Variants in PTGER3 observed in about 807,000 individuals in gnomAD.
The protein encoded by PTGER3 is prostaglandin E receptor 3.
Under a neutral mutation model 34.7 loss-of-function variants are expected in PTGER3, and 22 were observed. That is an observed-to-expected ratio of 0.63 (90% CI 0.45 to 0.91). The LOEUF (loss-of-function observed/expected upper bound fraction) is 0.91. PTGER3 is among the 40% of genes least tolerant of loss of function. PTGER3 has a pLI of 0.00. For missense variants in PTGER3, 468 were observed against 519.4 expected (o/e 0.90, Z 0.96); for synonymous variants, 241 against 230.1 (o/e 1.05, Z -0.43).
At chr1:71,003,319 CATAT>C (rs1157797108) in intron 2 of PTGER3, among the ~76,000 whole-genome samples, 1 of 152,192 alleles carries the variant, frequency 6.6e-6, no homozygotes, top group Admixed American at 6.5e-5. Context: ...TATGTGTCTA[CATAT>C]ATATCCTAGT....
At chr1:70,948,494 A>G (rs533092100), downstream of PTGER3, among the ~76,000 whole-genome samples, 31 of 152,204 alleles carry the variant, frequency 2.0e-4, no homozygotes, top group African/African-American at 7.5e-4. Context: ...CCCAGTCTCA[A>G]GAAGACCTTT....
In PTGER3 at chr1:71,047,532, G is replaced by A; in HGVS notation, c.46C>T (p.Arg16Cys). 1 of 1,583,492 alleles carries A rather than the reference G, an allele frequency of 6.3e-7. No individual in the cohort carries two copies. Among genetic ancestry groups the A allele is most frequent in the Non-Finnish European group, 8.6e-7 (1 of 1,163,836 alleles). The change falls in exon 1 of 4, where the codon CGC becomes TGC. Residue 16 changes from arginine (R) to cysteine (C), a missense_variant. By Grantham distance (180) the Arg-to-Cys change is radical. Around this residue, in one of 5 missense-constraint regions of PTGER3, gnomAD observed 151 missense variants for 133.5 expected, o/e 1.13. Coordinates refer to ENST00000306666, the MANE Select transcript of PTGER3 (RefSeq NM_198719.2). ...ATGCCTGTGTAGGAGTGGTTGAGGC[G>A]GGTGCAGAAGGGGGCATCCCCTCCG... ...GYGGDAPFCT[R>C]LNHSYTGMWA... is the part of the protein sequence containing the mutation.
intron 1 of PTGER3, among the ~76,000 whole-genome samples, chr1:71,040,065 AAGAG>A (rs925430030): frequency 5.3e-5 from 8 of 151,600 alleles, no homozygotes; most frequent in Non-Finnish European, 7.4e-5. Context: ...GAAAGAAAGA[AAGAG>A]AGGGAGGGAG....
At chr1:70,981,751 C>A (rs1465824862) in intron 2 of PTGER3, among the ~76,000 whole-genome samples, 1 of 151,980 alleles carries the variant, frequency 6.6e-6, no homozygotes, top group Non-Finnish European at 1.5e-5. Context: ...CTTGCTTAAG[C>A]TAACATAAGT....
At position 70,901,799 on chromosome 1, in the gene PTGER3, T is replaced by C. The variant is rs184794856; in HGVS notation, c.*24-48940A>G. Among the ~76,000 whole-genome samples the C allele has an allele frequency of 4.8e-4, 73 of 152,336 alleles. No individual in the cohort carries two copies. In the East Asian group the frequency reaches 0.012, roughly 25 times the overall value. On this transcript the variant is annotated intron_variant, in intron 4 of 4. Coordinates refer to the PTGER3 transcript ENST00000370931. ...GACAAAATTCAATCTTCTGTTTACTTTATCCCAAACATAGTTTTGGATTTT... is the reference window on the plus strand; with the variant it reads ...GACAAAATTCAATCTTCTGTTTACTCTATCCCAAACATAGTTTTGGATTTT...
intron 4 of PTGER3, among the ~76,000 whole-genome samples, chr1:70,853,255 C>T (rs574643112): frequency 6.6e-6 from 1 of 152,268 alleles, no homozygotes; most frequent in African/African-American, 2.4e-5. Context: ...TGGTTCTAGG[C>T]TAATTTCAAT....
At chr1:70,940,206 T>C (rs1370267896) in intron 4 of PTGER3, among the ~76,000 whole-genome samples, 2 of 152,166 alleles carry the variant, frequency 1.3e-5, no homozygotes, top group African/African-American at 4.8e-5. Flanking sequence ...CTTTACTCCA[T>C]TTCCCAACAA....
chr1:70,982,734 C>A (rs566956933), intron 2 of PTGER3, among the ~76,000 whole-genome samples: 2 of 152,040 alleles, frequency 1.3e-5, no homozygotes, highest in Admixed American at 6.6e-5. Context: ...TGCAAGGGAG[C>A]AGTCAATAAA....
intron 4 of PTGER3, among the ~76,000 whole-genome samples, chr1:70,857,604 C>T (rs970921404): frequency 6.6e-6 from 1 of 151,982 alleles, no homozygotes; most frequent in African/African-American, 2.4e-5. Flanking sequence ...GGCATGATCT[C>T]GGCTCCCTGC....
At chr1:70,946,361 G>A (rs1650225982) in intron 4 of PTGER3, among the ~76,000 whole-genome samples, 1 of 152,078 alleles carries the variant, frequency 6.6e-6, no homozygotes, top group Non-Finnish European at 1.5e-5. Flanking sequence ...CACAGACAGA[G>A]TTAAGCAAAT....
intron 2 of PTGER3, chr1:71,008,755 G>A: frequency 1.0e-6 from 1 of 967,272 alleles, no homozygotes; most frequent in Non-Finnish European, 1.2e-6. Context: ...TATAAAACAA[G>A]CAATAAACAA....
chr1:71,029,926 A>AAATAATAATAAT (rs3044586), intron 1 of PTGER3, among the ~76,000 whole-genome samples: 1,587 of 144,102 alleles, frequency 0.011, 17 homozygotes, highest in African/African-American at 0.031. Flanking sequence ...ACTCCATCTC[A>AAATAATAATAAT]AATAATAATA....
chr1:70,926,503 A>G (rs1648102226), intron 4 of PTGER3, among the ~76,000 whole-genome samples: 1 of 152,088 alleles, frequency 6.6e-6, no homozygotes, highest in Non-Finnish European at 1.5e-5. Context: ...GTGTATAAGA[A>G]TGCTTGTGAT....
At chr1:70,896,760 A>G (rs2100309751) in intron 4 of PTGER3, among the ~76,000 whole-genome samples, 1 of 152,306 alleles carries the variant, frequency 6.6e-6, no homozygotes, top group African/African-American at 2.4e-5. Flanking sequence ...TTACACTGCA[A>G]CAGCTCTTTT....
At chr1:71,008,094 C>G in intron 2 of PTGER3, 1 of 982,184 alleles carries the variant, frequency 1.0e-6, no homozygotes, top group South Asian at 4.7e-5. Context: ...CCAGCCTCAT[C>G]AACAGGAATT....
intron 4 of PTGER3, among the ~76,000 whole-genome samples, chr1:70,934,490 A>G (rs2100513311): frequency 6.6e-6 from 1 of 152,134 alleles, no homozygotes; most frequent in Non-Finnish European, 1.5e-5. Flanking sequence ...ATATCCTCTG[A>G]CTCTGTAGTT....
At chr1:71,040,298 G>A (rs1359648907) in intron 1 of PTGER3, among the ~76,000 whole-genome samples, 3 of 152,162 alleles carry the variant, frequency 2.0e-5, no homozygotes. Context: ...TTCTGATTTG[G>A]TTGCTCAAGT....
At chr1:70,921,341 T>C (rs1572651443) in intron 4 of PTGER3, among the ~76,000 whole-genome samples, 1 of 152,192 alleles carries the variant, frequency 6.6e-6, no homozygotes, top group Non-Finnish European at 1.5e-5. Context: ...CTGGCCTCCC[T>C]GAGTGCCTCG....
At chr1:71,018,221 T>C (rs2223502) in intron 1 of PTGER3, among the ~76,000 whole-genome samples, 50,363 of 152,032 alleles carry the variant, frequency 0.33, 9,056 homozygotes, top group South Asian at 0.45. Context: ...AAACGATTTT[T>C]TCATTCTCAT....
Sources: gnomAD v4.1 joint callset for allele counts (sites outside exome capture counted in the v4.1 genomes callset) on GRCh38, gnomAD v4.1.1 for gene constraint, gnomAD v4.1.1 regional missense constraint, MANE v1.5 for transcripts, NCBI Gene and HGNC (gene_info 2026-07-23, HGNC 2026-07-21) for gene names.